HTR7: variants seen among roughly 807,000 people sequenced by gnomAD.
HTR7 encodes 5-hydroxytryptamine receptor 7.
A neutral mutation model predicts 34.0 loss-of-function variants in HTR7; 16 were observed. The observed-to-expected ratio is 0.47, with a 90% CI of 0.32 to 0.71. The LOEUF (loss-of-function observed/expected upper bound fraction) is 0.71. Ranked by LOEUF, HTR7 falls within the 30% of genes least tolerant of loss-of-function variation. The pLI is 0.04. For missense variants in HTR7, 504 were observed against 625.5 expected, an observed-to-expected ratio of 0.81 and a Z score of 2.07; for synonymous variants, 265 against 260.2, an observed-to-expected ratio of 1.02 and a Z score of -0.18.
chr10:90,779,532 C>T (rs1348268596), intron 1 of HTR7, among the ~76,000 whole-genome samples: 2 of 152,148 alleles, frequency 1.3e-5, no homozygotes, highest in Non-Finnish European at 1.5e-5. Flanking sequence ...ACTCCAAAAT[C>T]ACAACAAATG....
intron 2 of HTR7, among the ~76,000 whole-genome samples, chr10:90,746,723 T>G (rs1308356565): frequency 6.6e-6 from 1 of 152,190 alleles, no homozygotes; most frequent in Admixed American, 6.5e-5. Context: ...CATCTAGCTG[T>G]ACTTACCAGT....
chr10:90,752,199 A>G (rs1457521092), intron 1 of HTR7, among the ~76,000 whole-genome samples: 1 of 152,204 alleles, frequency 6.6e-6, no homozygotes, highest in Non-Finnish European at 1.5e-5. Context: ...ATTACTAGAA[A>G]AAAAATGAGT....
chr10:90,846,196 G>A (rs886564086), intron 1 of HTR7, among the ~76,000 whole-genome samples: 2 of 152,070 alleles, frequency 1.3e-5, no homozygotes, highest in Non-Finnish European at 2.9e-5. Context: ...TATTTACCTT[G>A]TACCCAAAAA....
chr10:90,856,452 C>T (rs1846582100), intron 1 of HTR7, among the ~76,000 whole-genome samples: 1 of 152,164 alleles, frequency 6.6e-6, no homozygotes, highest in Non-Finnish European at 1.5e-5. Flanking sequence ...GCCTCTGTTT[C>T]AATTACTCCA....
Position 90,742,258 on chromosome 10 carries a change from G to A in HTR7, c.*224C>T, listed in dbSNP as rs1589431336. On this transcript the variant is annotated 3_prime_UTR_variant, in exon 4 of 4. Transcript: ENST00000336152. ...GGTGTGCTTACTGCTGAGATGATCTGCTATCTTAAACTGAGAACACACAAT... is the reference window on the plus strand; with the variant it reads ...GGTGTGCTTACTGCTGAGATGATCTACTATCTTAAACTGAGAACACACAAT... The A allele has an allele frequency of 2.7e-6, 1 of 367,986 alleles. No individual in the cohort carries two copies. Among genetic ancestry groups the A allele is most frequent in the Non-Finnish European group, 4.9e-6 (1 of 203,560 alleles). 22.8% of individuals were successfully genotyped at this position (367,986 alleles called of 1,614,324 possible).
intron 1 of HTR7, among the ~76,000 whole-genome samples, chr10:90,818,153 G>A (rs1315661340): frequency 6.6e-6 from 1 of 152,168 alleles, no homozygotes; most frequent in African/African-American, 2.4e-5. Flanking sequence ...ATGGTGGGAG[G>A]TGGGGCCAAA....
intron 1 of HTR7, among the ~76,000 whole-genome samples, chr10:90,780,242 A>G (rs1845285661): frequency 6.6e-6 from 1 of 152,116 alleles, no homozygotes; most frequent in South Asian, 2.1e-4. Flanking sequence ...AAACAGTAAG[A>G]AAATAAAATT....
intron 1 of HTR7, among the ~76,000 whole-genome samples, chr10:90,773,283 C>G (rs1312152606): frequency 2.0e-5 from 3 of 152,096 alleles, no homozygotes; most frequent in South Asian, 2.1e-4. Context: ...AGAAAAAATG[C>G]TCCTTTTAAT....
chr10:90,830,696 G>A (rs1053603412), intron 1 of HTR7, among the ~76,000 whole-genome samples: 3 of 151,722 alleles, frequency 2.0e-5, no homozygotes, highest in African/African-American at 4.8e-5. Flanking sequence ...GCTGAGGTGG[G>A]AGGATCGCTT....
intron 1 of HTR7, among the ~76,000 whole-genome samples, chr10:90,813,785 A>G (rs1159074042): frequency 6.6e-6 from 1 of 152,182 alleles, no homozygotes; most frequent in African/African-American, 2.4e-5. Flanking sequence ...CCACATGTAC[A>G]GTAAGGAAAA....
At chr10:90,802,622 G>A (rs771104288) in intron 1 of HTR7, among the ~76,000 whole-genome samples, 25 of 152,198 alleles carry the variant, frequency 1.6e-4, no homozygotes, top group East Asian at 1.2e-3. Flanking sequence ...AAAAGAATCC[G>A]TAATAGCGTT....
intron 1 of HTR7, among the ~76,000 whole-genome samples, chr10:90,833,250 T>C (rs1024674333): frequency 5.3e-5 from 8 of 152,244 alleles, no homozygotes; most frequent in African/African-American, 1.9e-4. Flanking sequence ...ATCATGCCTC[T>C]AGGGGACCTT....
At chr10:90,756,310 T>C (rs1844832020) in intron 1 of HTR7, among the ~76,000 whole-genome samples, 1 of 152,260 alleles carries the variant, frequency 6.6e-6, no homozygotes, top group Non-Finnish European at 1.5e-5. Context: ...GTAAGTGAGC[T>C]ATTCAGTTAT....
Position 90,749,287 on chromosome 10 carries a change from G to A in HTR7, c.847C>T (p.Pro283Ser). 1.2e-6 allele frequency: 2 copies of A among 1,614,124 alleles called. No homozygotes were observed. Among genetic ancestry groups the A allele is most frequent in the African/African-American group, 1.3e-5 (1 of 75,038 alleles). The change falls in exon 2 of 4, where the codon CCA becomes TCA. Residue 283 changes from proline to serine, a missense_variant. By Grantham distance (74) the Pro-to-Ser change is moderately conservative (BLOSUM62 -1). Coordinates refer to ENST00000336152, the MANE Select transcript of HTR7 (RefSeq NM_019859.4). The surrounding 1 kb of genome is among the most constrained non-coding windows in gnomAD (Gnocchi z 4.2). The stretch of plus-strand genomic sequence containing the variant: ...CCATTCAGGGCGATGACGCTGTCTG[G>A]CTCCACTCGAGGGAAGCCAGGAAAC... ...HKFPGFPRVEPDSVIALNGIV... is the reference protein window; with the variant it reads ...HKFPGFPRVESDSVIALNGIV...
At chr10:90,765,386 A>T (rs559534587) in intron 1 of HTR7, among the ~76,000 whole-genome samples, 1 of 152,082 alleles carries the variant, frequency 6.6e-6, no homozygotes, top group African/African-American at 2.4e-5. Context: ...ATCAGTTTTA[A>T]TGTATCCTCT....
chr10:90,831,362 G>A (rs189569045), intron 1 of HTR7, among the ~76,000 whole-genome samples: 6 of 152,012 alleles, frequency 3.9e-5, no homozygotes, highest in East Asian at 1.9e-4. Context: ...AGACCTTGGC[G>A]GTGAGTGTTA....
Position 90,749,527 on chromosome 10 carries a change from T to A in HTR7, c.607A>T (p.Ile203Phe), listed in dbSNP as rs753125806. Residue 203 changes from isoleucine to phenylalanine, a missense_variant, in exon 2 of 4, where the codon ATT becomes TTT. By Grantham distance (21) the Ile-to-Phe change is conservative. Around this residue, in one of 4 missense-constraint regions of HTR7, gnomAD observed 154 missense variants for 248.8 expected, o/e 0.62. Coordinates refer to ENST00000336152, the MANE Select transcript of HTR7 (RefSeq NM_019859.4). The surrounding 1 kb of genome is among the most constrained non-coding windows in gnomAD (Gnocchi z 4.2). ...GCGGAGAGAAGCCAGACGGAGAGAA[T>A]CATCTTCGCCATGCATTTCCCATTC... is the stretch of plus-strand genomic sequence containing the variant. ...RQNGKCMAKM[I>F]LSVWLLSASI... 1 of 1,614,018 alleles carries A rather than the reference T, an allele frequency of 6.2e-7. No homozygotes were observed. The highest frequency in any genetic ancestry group is 1.1e-5 in the South Asian group (1 of 91,068).
intron 1 of HTR7, among the ~76,000 whole-genome samples, chr10:90,840,462 A>G (rs1846311950): frequency 1.3e-5 from 2 of 152,246 alleles, no homozygotes; most frequent in Admixed American, 1.3e-4. Flanking sequence ...CAGAAAACTT[A>G]GCTGCAGTAT....
chr10:90,795,764 A>T (rs1051951716), intron 1 of HTR7, among the ~76,000 whole-genome samples: 2 of 152,214 alleles, frequency 1.3e-5, no homozygotes, highest in African/African-American at 4.8e-5. Context: ...AGGAAGACAT[A>T]ACACATCAAT....
Sources: gnomAD v4.1 joint callset for allele counts (sites outside exome capture counted in the v4.1 genomes callset) on GRCh38, gnomAD v4.1.1 for gene constraint, gnomAD v4.1.1 regional missense constraint, Gnocchi (gnomAD v3.1) non-coding constraint, MANE v1.5 for transcripts, NCBI Gene and HGNC (gene_info 2026-07-23, HGNC 2026-07-21) for gene names.